The following ALK variants were observed in gnomAD, a reference collection of about 807,000 sequenced individuals.
ALK encodes the protein ALK tyrosine kinase receptor.
A neutral mutation model predicts 163.1 loss-of-function variants in ALK; 74 were observed. The ratio of observed to expected loss-of-function variants is 0.45; its 90% CI spans 0.38 to 0.55. The LOEUF is 0.55. Ranked by LOEUF, ALK falls within the 20% of genes least tolerant of loss-of-function variation. The probability of loss-of-function intolerance (pLI) is 0.00; values close to 1 mark genes in which losing one functional copy is unlikely to be tolerated. For missense variants in ALK, 2,063 were observed against 2,105.3 expected, an observed-to-expected ratio of 0.98 and a Z score of 0.39; for synonymous variants, 960 against 843.2, an observed-to-expected ratio of 1.14 and a Z score of -2.40.
In ALK at chr2:29,812,871, C is replaced by A. The variant is rs572739271; in HGVS notation, c.668-95174G>T. 6.6e-5 allele frequency among the ~76,000 whole-genome samples: 10 copies of A among 152,338 alleles called. 1 individual carries two copies. The South Asian group carries it at 2.1e-3, about 32-fold the overall frequency. On this transcript the variant is annotated intron_variant, in intron 1 of 28. Transcript: ENST00000389048. ...ACTAGGGCTGTACATCCCTCCAACA[C>A]ACACACAATCTAGAATGTGCTGTTC...
chr2:29,865,819 T>C (rs1247098455), intron 1 of ALK, among the ~76,000 whole-genome samples: 3 of 152,180 alleles, frequency 2.0e-5, no homozygotes, highest in East Asian at 3.8e-4. Flanking sequence ...ACAGAAGTAC[T>C]TATTATTGTT....
At chr2:29,293,364 G>A (rs1666089772) in intron 9 of ALK, among the ~76,000 whole-genome samples, 1 of 152,120 alleles carries the variant, frequency 6.6e-6, no homozygotes, top group African/African-American at 2.4e-5. Context: ...TGGTACTAAA[G>A]ATTCAGGAAG....
chr2:29,672,986 T>C (rs1288841277), intron 3 of ALK, among the ~76,000 whole-genome samples: 1 of 127,928 alleles, frequency 7.8e-6, no homozygotes, highest in African/African-American at 3.4e-5. Context: ...TTTTGAGAAG[T>C]GTCTGTTCAT....
At chr2:29,210,004 A>G (rs1558614602) in intron 24 of ALK, 126 bp from the exon 25 acceptor site, 1 of 757,078 alleles carries the variant, frequency 1.3e-6, no homozygotes, top group East Asian at 2.6e-5. Flanking sequence ...TATTTCCTTT[A>G]GTATAGTATA....
chr2:29,611,824 G>A (rs1201809888), intron 3 of ALK, among the ~76,000 whole-genome samples: 1 of 152,144 alleles, frequency 6.6e-6, no homozygotes, highest in Non-Finnish European at 1.5e-5. Flanking sequence ...CACCATGATT[G>A]TAAGTTTCCT....
chr2:29,668,511 A>T (rs1368501776), intron 3 of ALK, among the ~76,000 whole-genome samples: 1 of 151,944 alleles, frequency 6.6e-6, no homozygotes. Context: ...TCATTGACCC[A>T]TTGGTTGTTC....
At chr2:29,539,614 T>G (rs62131116) in intron 3 of ALK, among the ~76,000 whole-genome samples, 64,366 of 151,894 alleles carry the variant, frequency 0.42, 14,393 homozygotes, top group East Asian at 0.65. Flanking sequence ...GAGCACAGGG[T>G]AGATCATATC....
intron 5 of ALK, among the ~76,000 whole-genome samples, chr2:29,356,657 C>G (rs1448102567): frequency 6.6e-6 from 1 of 152,194 alleles, no homozygotes; most frequent in African/African-American, 2.4e-5. Context: ...TTGTTCCACT[C>G]CTGCCTGATT....
At chr2:29,739,863 T>C (rs1047105301) in intron 1 of ALK, among the ~76,000 whole-genome samples, 2 of 152,106 alleles carry the variant, frequency 1.3e-5, no homozygotes, top group Admixed American at 6.5e-5. Flanking sequence ...TTTGACTCTA[T>C]AGCCAGTGAT....
intron 1 of ALK, among the ~76,000 whole-genome samples, chr2:29,916,297 A>ATGGGCC (rs1667831798): frequency 1.3e-5 from 2 of 152,172 alleles, no homozygotes; most frequent in Non-Finnish European, 2.9e-5. Flanking sequence ...CACGCTAAAT[A>ATGGGCC]ACTCCTCTCC....
chr2:29,517,288 A>C (rs572591828), intron 4 of ALK, among the ~76,000 whole-genome samples: 42 of 152,218 alleles, frequency 2.8e-4, no homozygotes, highest in African/African-American at 9.1e-4. Flanking sequence ...CGTTGCTGAT[A>C]ATCATACATC....
chr2:29,483,519 A>G (rs1433982789), intron 4 of ALK, among the ~76,000 whole-genome samples: 1 of 152,242 alleles, frequency 6.6e-6, no homozygotes, highest in Non-Finnish European at 1.5e-5. Flanking sequence ...GGATTCTCAA[A>G]TGATTCATGT....
intron 9 of ALK, among the ~76,000 whole-genome samples, chr2:29,293,383 T>G (rs754138748): frequency 1.2e-4 from 18 of 152,214 alleles, no homozygotes; most frequent in Non-Finnish European, 1.9e-4. Flanking sequence ...AGCAGTGATT[T>G]ATAAGACACA....
intron 1 of ALK, among the ~76,000 whole-genome samples, chr2:29,741,006 A>G (rs1680043296): frequency 6.6e-6 from 1 of 152,230 alleles, no homozygotes; most frequent in South Asian, 2.1e-4. Flanking sequence ...TGCCTCAGAA[A>G]AAAATAAAGT....
intron 1 of ALK, among the ~76,000 whole-genome samples, chr2:29,723,671 G>C (rs769239270): frequency 9.9e-5 from 15 of 152,272 alleles, no homozygotes; most frequent in Non-Finnish European, 2.1e-4. Context: ...ACGATGACGA[G>C]AATAAGAATA....
chr2:29,906,620 G>A (rs994559304), intron 1 of ALK, among the ~76,000 whole-genome samples: 2 of 152,270 alleles, frequency 1.3e-5, no homozygotes, highest in South Asian at 2.1e-4. Context: ...GAGTTAAACA[G>A]GCTGAAATTC....
At chr2:29,707,468 G>A (rs2148299344) in intron 2 of ALK, among the ~76,000 whole-genome samples, 1 of 152,238 alleles carries the variant, frequency 6.6e-6, no homozygotes, top group South Asian at 2.1e-4. Flanking sequence ...TGCCTGGGAG[G>A]ACCAAAGGTC....
At chr2:29,297,679 C>T (rs13409948) in intron 8 of ALK, among the ~76,000 whole-genome samples, 15,510 of 152,234 alleles carry the variant, frequency 0.1, 817 homozygotes, top group Non-Finnish European at 0.12. Flanking sequence ...ATGCCCACTT[C>T]GCCAAAAGGA....
intron 1 of ALK, among the ~76,000 whole-genome samples, chr2:29,812,290 G>A (rs1049286254): frequency 2.6e-5 from 4 of 152,154 alleles, no homozygotes; most frequent in African/African-American, 9.7e-5. Context: ...TTGGGTAAGA[G>A]GGTAAGAGAG....
Sources: allele counts gnomAD v4.1 joint callset (sites outside exome capture counted in the v4.1 genomes callset), GRCh38; gene constraint gnomAD v4.1.1; transcripts MANE v1.5; gene names NCBI Gene and HGNC (gene_info 2026-07-23, HGNC 2026-07-21).